The following SMAD1 variants were observed in gnomAD, a reference collection of about 807,000 sequenced individuals.
SMAD1 encodes SMAD family member 1.
Under a neutral mutation model 41.6 loss-of-function variants are expected in SMAD1, and 6 were observed. The ratio of observed to expected loss-of-function variants is 0.14; its 90% CI spans 0.08 to 0.28. The LOEUF is 0.28. Ranked by LOEUF, SMAD1 falls within the 10% of genes least tolerant of loss-of-function variation. The pLI, the probability that SMAD1 is intolerant of heterozygous loss-of-function variation, is 1.00. For synonymous variants in SMAD1, 206 were observed against 203.2 expected (o/e 1.01, Z -0.12); for missense variants, 379 against 582.6 (o/e 0.65, Z 3.60).
chr4:145,514,662 C>T lies in SMAD1; in HGVS notation c.49C>T (p.Leu17Phe). 1.2e-6 allele frequency: 2 copies of T among 1,613,604 alleles called. No homozygotes were observed. The highest frequency in any genetic ancestry group is 1.7e-6 in the Non-Finnish European group (2 of 1,179,898). The change falls in exon 2 of 7, where the codon CTT (leucine) becomes TTT (phenylalanine). Residue 17 changes from leucine (L) to phenylalanine (F), a missense_variant. Transcript: ENST00000302085. This position sits in a 1 kb window ranked among gnomAD's most constrained non-coding sequence, Gnocchi z 4.7. ...FSFTSPAVKR[L>F]LGWKQGDEEE... ...CTTTACAAGTCCAGCTGTGAAGAGA[C>T]TTCTTGGGTGGAAACAGGGCGATGA...
intron 1 of SMAD1, among the ~76,000 whole-genome samples, chr4:145,491,263 A>T (rs1022841172): frequency 2.0e-5 from 3 of 152,194 alleles, no homozygotes; most frequent in African/African-American, 7.2e-5. Context: ...CAAGCATTTC[A>T]CAAACAAATG....
chr4:145,512,747 C>T (rs977120792), intron 1 of SMAD1, among the ~76,000 whole-genome samples: 44 of 152,240 alleles, frequency 2.9e-4, no homozygotes, highest in African/African-American at 5.8e-4. Context: ...TCATTTGGTC[C>T]TGTTTCTTGG....
intron 1 of SMAD1, among the ~76,000 whole-genome samples, chr4:145,484,223 T>TA (rs978165204): frequency 6.6e-6 from 1 of 152,174 alleles, no homozygotes; most frequent in East Asian, 1.9e-4. Flanking sequence ...TGTGTGTGTA[T>TA]AAAAGATCTC....
At chr4:145,529,428 C>G (rs1731208579) in intron 2 of SMAD1, among the ~76,000 whole-genome samples, 1 of 152,144 alleles carries the variant, frequency 6.6e-6, no homozygotes, top group East Asian at 1.9e-4. Flanking sequence ...TGTGTGCCAC[C>G]ATTCTTGATT....
intron 4 of SMAD1, chr4:145,546,312 C>T: frequency 5.2e-6 from 1 of 192,782 alleles, no homozygotes; most frequent in South Asian, 1.1e-4. Flanking sequence ...GTTCTCTTCC[C>T]ACTTATTTTT....
intron 1 of SMAD1, among the ~76,000 whole-genome samples, chr4:145,509,962 G>A (rs1322185685): frequency 6.6e-6 from 1 of 152,160 alleles, no homozygotes; most frequent in Non-Finnish European, 1.5e-5. Context: ...TCAGCTATGT[G>A]CCAGGTACTA....
intron 2 of SMAD1, among the ~76,000 whole-genome samples, chr4:145,519,121 A>G (rs1313013966): frequency 3.0e-5 from 2 of 66,744 alleles, no homozygotes; most frequent in East Asian, 6.6e-4. Context: ...TTTGAGGTAG[A>G]GTCTCGCTCT....
At chr4:145,532,708 A>G (rs1731383819) in intron 2 of SMAD1, among the ~76,000 whole-genome samples, 1 of 152,188 alleles carries the variant, frequency 6.6e-6, no homozygotes, top group Admixed American at 6.5e-5. Flanking sequence ...TGCACTAAGA[A>G]AGTGGTTCCC....
At position 145,557,993 on chromosome 4, in the gene SMAD1, G is replaced by A; in HGVS notation, c.*59G>A. The A allele has an allele frequency of 7.5e-7, 1 of 1,333,858 alleles. No homozygotes were observed. The highest frequency in any genetic ancestry group is 1.7e-5 in the South Asian group (1 of 59,890). 82.6% of individuals were successfully genotyped at this position (1,333,858 alleles called of 1,614,324 possible). ...GAGCCTTGCATGTACTTGAAGGATG[G>A]ATGAGTCAGACACGATTGAGAACTG... On this transcript the variant is annotated 3_prime_UTR_variant, in exon 7 of 7. Transcript: ENST00000302085.
At position 145,558,246 on chromosome 4, in the gene SMAD1, T is replaced by A. The variant is rs1488802650; in HGVS notation, c.*312T>A. On this transcript the variant is annotated 3_prime_UTR_variant, in exon 7 of 7. Transcript: ENST00000302085. ...GGCCAAGCCAGGGACAAATTGTCTA[T>A]TAGAAAACGGTCCTAAGAGATTCTT... Among the ~76,000 whole-genome samples, 1 of 152,212 alleles carries A rather than the reference T, an allele frequency of 6.6e-6. No homozygotes were observed. The highest frequency in any genetic ancestry group is 2.4e-5 in the African/African-American group (1 of 41,466).
At chr4:145,534,846 T>C (rs189607366) in intron 2 of SMAD1, among the ~76,000 whole-genome samples, 2 of 152,296 alleles carry the variant, frequency 1.3e-5, no homozygotes, top group Non-Finnish European at 2.9e-5. Flanking sequence ...ATAATCTGGG[T>C]ATAGGAGAAG....
chr4:145,495,951 C>T (rs1162208838), intron 1 of SMAD1, among the ~76,000 whole-genome samples: 1 of 151,962 alleles, frequency 6.6e-6, no homozygotes, highest in African/African-American at 2.4e-5. Context: ...TTTTAGTGTT[C>T]TACAGATTCA....
intron 2 of SMAD1, among the ~76,000 whole-genome samples, chr4:145,516,023 C>T (rs1730364170): frequency 6.6e-6 from 1 of 152,058 alleles, no homozygotes; most frequent in Non-Finnish European, 1.5e-5. Context: ...ATATTTAAGA[C>T]ATATTTTAAA....
intron 4 of SMAD1, chr4:145,544,871 G>A (rs1578820159): frequency 6.6e-6 from 1 of 152,234 alleles, no homozygotes; most frequent in South Asian, 2.1e-4. Flanking sequence ...ACACTATTAG[G>A]AGCATGTGGA....
At position 145,518,417 on chromosome 4, in the gene SMAD1, A is replaced by G. The variant is rs1305453461; in HGVS notation, c.400+3404A>G. On this transcript the variant is annotated intron_variant, in intron 2 of 6. Transcript: ENST00000302085. ...GGCAGAAAAATCACTTGAACCTGAG[A>G]GGCGCAGGTTGTAGTGAGCCAAGAT... 8.1e-5 allele frequency among the ~76,000 whole-genome samples: 10 copies of G among 122,750 alleles called. 2 individuals carry two copies. Among genetic ancestry groups the G allele is most frequent in the Non-Finnish European group, 1.6e-4 (8 of 50,038 alleles). 80.5% of individuals were successfully genotyped at this position (122,750 alleles called of 152,430 possible). A position where few individuals can be genotyped will look rare whatever the true frequency, so the allele number is the denominator to read the frequency against.
intron 1 of SMAD1, among the ~76,000 whole-genome samples, chr4:145,500,067 C>G (rs1729339551): frequency 6.6e-6 from 1 of 152,102 alleles, no homozygotes; most frequent in South Asian, 2.1e-4. Context: ...CATGTCTGTA[C>G]TTTGAGAATA....
chr4:145,557,434 A>T (rs539065100), intron 6 of SMAD1, among the ~76,000 whole-genome samples: 3 of 152,334 alleles, frequency 2.0e-5, no homozygotes, highest in East Asian at 3.9e-4. Flanking sequence ...TTGATGATAA[A>T]ATGAGAATTT....
chr4:145,483,108 A>G (rs1325044073), intron 1 of SMAD1: 1 of 152,230 alleles, frequency 6.6e-6, no homozygotes, highest in Non-Finnish European at 1.5e-5. Flanking sequence ...CAAGATAACC[A>G]GTAAAGGCGC....
chr4:145,495,798 T>A (rs1054105078), intron 1 of SMAD1, among the ~76,000 whole-genome samples: 13 of 149,498 alleles, frequency 8.7e-5, no homozygotes, highest in South Asian at 2.1e-4. Flanking sequence ...TTTTTTTTTT[T>A]AAATAAAGGC....
Sources: gnomAD v4.1 joint callset for allele counts (sites outside exome capture counted in the v4.1 genomes callset) on GRCh38, gnomAD v4.1.1 for gene constraint, Gnocchi (gnomAD v3.1) non-coding constraint, MANE v1.5 for transcripts, NCBI Gene and HGNC (gene_info 2026-07-23, HGNC 2026-07-21) for gene names.